The following NUBPL variants were observed in gnomAD, a reference collection of about 807,000 sequenced individuals.
The protein encoded by NUBPL is NUBP iron-sulfur cluster assembly factor, mitochondrial.
Under a neutral mutation model 45.7 loss-of-function variants are expected in NUBPL, and 31 were observed. That is an observed-to-expected ratio of 0.68 (90% confidence interval 0.51 to 0.92). The LOEUF (loss-of-function observed/expected upper bound fraction) is 0.92, where lower values mean the gene tolerates loss of function less well. Among genes scored for constraint, NUBPL ranks in the 40% least tolerant of loss-of-function variants. The pLI, the probability that NUBPL is intolerant of heterozygous loss-of-function variation, is 0.00. For synonymous variants in NUBPL, 144 were observed against 140.9 expected (o/e 1.02, Z -0.15); for missense variants, 401 against 398.7 (o/e 1.01, Z -0.05).
At chr14:31,766,280 G>C (rs1334416467) in intron 6 of NUBPL, among the ~76,000 whole-genome samples, 1 of 152,192 alleles carries the variant, frequency 6.6e-6, no homozygotes, top group Non-Finnish European at 1.5e-5. Flanking sequence ...ATTGAGCGCA[G>C]GGTAGAGCCC....
At chr14:31,754,968 G>A (rs1013984344) in intron 6 of NUBPL, among the ~76,000 whole-genome samples, 10 of 149,564 alleles carry the variant, frequency 6.7e-5, no homozygotes, top group East Asian at 6.0e-4. Flanking sequence ...TTGTCCTTGC[G>A]ATAGTTTACT....
chr14:31,799,904 T>C (rs2138860416), intron 7 of NUBPL, among the ~76,000 whole-genome samples: 1 of 152,362 alleles, frequency 6.6e-6, no homozygotes. Flanking sequence ...TGATAGCATT[T>C]AACCCATAGT....
At chr14:31,619,374 T>C (rs1257171870) in intron 4 of NUBPL, among the ~76,000 whole-genome samples, 1 of 152,216 alleles carries the variant, frequency 6.6e-6, no homozygotes, top group East Asian at 1.9e-4. Flanking sequence ...AGTTTCTTCA[T>C]AGTGTCGATG....
intron 4 of NUBPL, among the ~76,000 whole-genome samples, chr14:31,666,263 A>ATATATATATATATATATT: frequency 2.7e-5 from 3 of 111,870 alleles, no homozygotes; most frequent in East Asian, 3.4e-4. Flanking sequence ...ATATATATAT[A>ATATATATATATATATATT]ATTTTATTTT....
chr14:31,857,004 A>T (rs559294795), intron 10 of NUBPL, among the ~76,000 whole-genome samples: 2 of 151,394 alleles, frequency 1.3e-5, no homozygotes, highest in South Asian at 4.2e-4. Context: ...GGGGGCTCTG[A>T]CCCCACATTT....
chr14:31,706,054 G>C (rs1595522074), intron 6 of NUBPL, among the ~76,000 whole-genome samples: 1 of 152,152 alleles, frequency 6.6e-6, no homozygotes, highest in Non-Finnish European at 1.5e-5. Context: ...ATAGCGCATC[G>C]GCAGGCTGAA....
chr14:31,605,925 T>TCTCCCTC (rs2034581829), intron 4 of NUBPL, among the ~76,000 whole-genome samples: 1 of 141,922 alleles, frequency 7.0e-6, no homozygotes, highest in African/African-American at 2.6e-5. Context: ...CCTCCTCCCT[T>TCTCCCTC]CTCCCTCCTC....
At chr14:31,836,813 G>C (rs2040288560) in intron 8 of NUBPL, among the ~76,000 whole-genome samples, 1 of 152,008 alleles carries the variant, frequency 6.6e-6, no homozygotes, top group African/African-American at 2.4e-5. Context: ...ATAAATCAAA[G>C]ATAGAATATA....
At position 31,850,119 on chromosome 14, in the gene NUBPL, G is replaced by C; in HGVS notation, c.815G>C (p.Gly272Ala). The C allele has an allele frequency of 6.2e-7, 1 of 1,612,700 alleles. No homozygotes were observed. The change falls in exon 10 of 11, where the codon GGA (glycine) becomes GCA (alanine). Residue 272 changes from glycine to alanine, a missense_variant and splice_region_variant. By Grantham distance (60) the Gly-to-Ala change is moderately conservative. Coordinates refer to ENST00000281081, the MANE Select transcript of NUBPL (RefSeq NM_025152.3). ...LAQTLGLEVL[G>A]DIPLHLNIRE... is the part of the protein sequence containing the mutation. ...ATGGATGTCTGCTGGGCTCTTTTAG[G>C]AGACATTCCCTTACACCTTAATATA...
intron 4 of NUBPL, among the ~76,000 whole-genome samples, chr14:31,641,341 T>A (rs564651727): frequency 1.3e-5 from 2 of 152,304 alleles, no homozygotes; most frequent in Non-Finnish European, 2.9e-5. Flanking sequence ...TCATCCCTTC[T>A]TGGCCTCTGG....
chr14:31,761,193 T>C (rs2038801209), intron 6 of NUBPL, among the ~76,000 whole-genome samples: 2 of 152,128 alleles, frequency 1.3e-5, no homozygotes, highest in Admixed American at 1.3e-4. Flanking sequence ...CTGAATTTTT[T>C]TTTGGAGATC....
chr14:31,604,274 G>A (rs1315800178), intron 4 of NUBPL, among the ~76,000 whole-genome samples: 2 of 151,378 alleles, frequency 1.3e-5, no homozygotes, highest in Admixed American at 1.3e-4. Flanking sequence ...TTAAAAGAAT[G>A]TGGAATCTTA....
intron 3 of NUBPL, among the ~76,000 whole-genome samples, chr14:31,585,022 A>G (rs10134975): frequency 0.056 from 8,483 of 152,216 alleles, 668 homozygotes; most frequent in African/African-American, 0.18. Flanking sequence ...GGATTTCAAC[A>G]TACGAATTTT....
rs1305695905 is a variant in NUBPL at position 31,673,579 on chromosome 14, G to A, written c.513+5G>A. 22 of 1,607,590 alleles carry A rather than the reference G, an allele frequency of 1.4e-5. No individual in the cohort carries two copies. The highest frequency in any genetic ancestry group is 1.8e-5 in the Non-Finnish European group (21 of 1,174,306). On this transcript the variant is annotated splice_donor_5th_base_variant and intron_variant, in intron 6 of 10. Transcript: ENST00000281081. ...ATTGAGAAATTGTTGAGGCAGGTAA[G>A]AATATTGCTTTAAATATCATTTTAT...
At chr14:31,713,131 A>G (rs1372482632) in intron 6 of NUBPL, among the ~76,000 whole-genome samples, 1 of 152,192 alleles carries the variant, frequency 6.6e-6, no homozygotes, top group Admixed American at 6.5e-5. Context: ...CGTTAGTTTT[A>G]AGCTTTAAGA....
At chr14:31,608,012 C>T (rs1231339655) in intron 4 of NUBPL, among the ~76,000 whole-genome samples, 1 of 152,142 alleles carries the variant, frequency 6.6e-6, no homozygotes, top group African/African-American at 2.4e-5. Flanking sequence ...AAATAAATGA[C>T]ATACAATGGA....
chr14:31,584,333 A>C (rs1367136447), intron 3 of NUBPL, among the ~76,000 whole-genome samples: 3 of 152,038 alleles, frequency 2.0e-5, no homozygotes, highest in Middle Eastern at 3.2e-3. Context: ...TTATATTGCC[A>C]AGGCTGGTCT....
chr14:31,673,185 T>C (rs773218864), intron 4 of NUBPL, among the ~76,000 whole-genome samples, 170 bp from the exon 5 acceptor site: 12 of 152,216 alleles, frequency 7.9e-5, no homozygotes, highest in Non-Finnish European at 1.6e-4. Context: ...TTACTTATTA[T>C]TATTCTACTA....
chr14:31,645,167 G>A (rs778453510), intron 4 of NUBPL, among the ~76,000 whole-genome samples: 17 of 151,520 alleles, frequency 1.1e-4, no homozygotes, highest in South Asian at 8.4e-4. Flanking sequence ...CCGGGTTCAC[G>A]CCATTCTCCT....
Sources: gnomAD v4.1 joint callset for allele counts (sites outside exome capture counted in the v4.1 genomes callset) on GRCh38, gnomAD v4.1.1 for gene constraint, MANE v1.5 for transcripts, NCBI Gene and HGNC (gene_info 2026-07-23, HGNC 2026-07-21) for gene names.